GAREM1: variants seen among roughly 807,000 people sequenced by gnomAD.
GAREM1 encodes the protein GRB2-associated and regulator of MAPK protein 1.
GAREM1 carries 26 observed loss-of-function variants against 71.3 expected under a neutral mutation model. That is an observed-to-expected ratio of 0.36 (90% CI 0.27 to 0.51). GAREM1 has a LOEUF of 0.51. Among genes scored for constraint, GAREM1 ranks in the 20% least tolerant of loss-of-function variants. GAREM1 has a pLI of 0.95. For synonymous variants in GAREM1, 440 were observed against 433.2 expected, an observed-to-expected ratio of 1.02 and a Z score of -0.20; for missense variants, 1,026 against 1,103.1, an observed-to-expected ratio of 0.93 and a Z score of 0.99.
intron 1 of GAREM1, among the ~76,000 whole-genome samples, chr18:32,448,673 T>C: frequency 6.7e-6 from 1 of 150,206 alleles, no homozygotes; most frequent in South Asian, 2.1e-4. Context: ...AAATATCATA[T>C]GTATGTATTT....
chr18:32,436,954 C>A (rs17744022), intron 1 of GAREM1, among the ~76,000 whole-genome samples: 18,435 of 152,076 alleles, frequency 0.12, 1,442 homozygotes, highest in East Asian at 0.33. Context: ...CTTTAAAGGT[C>A]ATCATGGAAT....
chr18:32,268,070 A>G lies in GAREM1; in HGVS notation c.2432T>C (p.Leu811Pro). Residue 811 changes from leucine (L) to proline (P), a missense_variant, in exon 6 of 6, where the codon CTC becomes CCC. By Grantham distance (98) the Leu-to-Pro change is moderately conservative. Transcript: ENST00000269209. ...TGACTTGGACACTTCCTCTATAGAG[A>G]GTCCTGATAGGTCAGCAGGTGGCTG... ...PWQPPADLSGLSIEEVSKSLR... is the reference protein window; with the variant it reads ...PWQPPADLSGPSIEEVSKSLR... 1 of 1,614,088 alleles carries G rather than the reference A, an allele frequency of 6.2e-7. No homozygotes were observed. Among genetic ancestry groups the G allele is most frequent in the Non-Finnish European group, 8.5e-7 (1 of 1,179,956 alleles).
intron 2 of GAREM1, among the ~76,000 whole-genome samples, chr18:32,380,049 T>C (rs1269800845): frequency 6.6e-6 from 1 of 152,064 alleles, no homozygotes; most frequent in Non-Finnish European, 1.5e-5. Flanking sequence ...GCTCCATTGC[T>C]CCCCCCTGAA....
chr18:32,369,510 T>G (rs1031172594), intron 2 of GAREM1, among the ~76,000 whole-genome samples: 1 of 152,078 alleles, frequency 6.6e-6, no homozygotes, highest in Non-Finnish European at 1.5e-5. Context: ...TATAAACAGA[T>G]AGAATATATG....
chr18:32,435,206 G>A (rs1183101166), intron 1 of GAREM1, among the ~76,000 whole-genome samples: 1 of 152,006 alleles, frequency 6.6e-6, no homozygotes, highest in Non-Finnish European at 1.5e-5. Flanking sequence ...AGCCAAAGGA[G>A]GCAGGAGAGC....
chr18:32,308,512 A>G (rs1213538783), intron 3 of GAREM1, among the ~76,000 whole-genome samples: 6 of 149,864 alleles, frequency 4.0e-5, no homozygotes, highest in Non-Finnish European at 4.4e-5. Flanking sequence ...AAAACTACTA[A>G]CTTTCTAAAA....
chr18:32,348,456 G>A (rs2047716732), intron 2 of GAREM1, among the ~76,000 whole-genome samples: 1 of 152,162 alleles, frequency 6.6e-6, no homozygotes, highest in African/African-American at 2.4e-5. Flanking sequence ...GGGCGTGGTG[G>A]CTCACACCTG....
intron 1 of GAREM1, among the ~76,000 whole-genome samples, chr18:32,462,483 G>T (rs1315001704): frequency 6.6e-6 from 1 of 152,124 alleles, no homozygotes; most frequent in East Asian, 1.9e-4. Context: ...TTGCTATGGA[G>T]TTGAGTTCCC....
At chr18:32,316,298 T>C (rs1275585003) in intron 2 of GAREM1, among the ~76,000 whole-genome samples, 2 of 152,228 alleles carry the variant, frequency 1.3e-5, no homozygotes, top group African/African-American at 4.8e-5. Flanking sequence ...CTTTCAATTG[T>C]TTAGTGAATA....
At chr18:32,415,296 T>C (rs907552495) in intron 1 of GAREM1, among the ~76,000 whole-genome samples, 14 of 151,788 alleles carry the variant, frequency 9.2e-5, no homozygotes, top group African/African-American at 3.4e-4. Context: ...CTAATACCAA[T>C]CATACTCAAA....
chr18:32,362,249 G>A (rs888512020), intron 2 of GAREM1, among the ~76,000 whole-genome samples: 2 of 152,060 alleles, frequency 1.3e-5, no homozygotes, highest in Admixed American at 6.5e-5. Flanking sequence ...TTCCATTCAT[G>A]TACATTTATC....
chr18:32,339,099 A>G (rs1158011465), intron 2 of GAREM1, among the ~76,000 whole-genome samples: 1 of 151,926 alleles, frequency 6.6e-6, no homozygotes, highest in Non-Finnish European at 1.5e-5. Context: ...CTTAAAGTAA[A>G]TCTCCCTCCC....
At chr18:32,451,270 C>T (rs928188507) in intron 1 of GAREM1, among the ~76,000 whole-genome samples, 11 of 147,452 alleles carry the variant, frequency 7.5e-5, no homozygotes, top group African/African-American at 2.5e-4. Context: ...CAAGCTAGCT[C>T]ATTTCATCTC....
At chr18:32,375,581 T>C (rs2048023690) in intron 2 of GAREM1, among the ~76,000 whole-genome samples, 1 of 152,192 alleles carries the variant, frequency 6.6e-6, no homozygotes, top group South Asian at 2.1e-4. Flanking sequence ...TTTCCTTGAC[T>C]TAGGTCTCAC....
At chr18:32,401,365 GAAAT>G (rs144304599) in intron 1 of GAREM1, among the ~76,000 whole-genome samples, 5,645 of 151,440 alleles carry the variant, frequency 0.037, 342 homozygotes, top group African/African-American at 0.13. Context: ...ATATAAAAAA[GAAAT>G]AAAAAGAAGA....
intron 5 of GAREM1, among the ~76,000 whole-genome samples, chr18:32,269,175 T>A (rs1349836573): frequency 6.6e-6 from 1 of 152,214 alleles, no homozygotes; most frequent in Non-Finnish European, 1.5e-5. Context: ...CTTGCCATGC[T>A]TGTGCTACAG....
intron 1 of GAREM1, among the ~76,000 whole-genome samples, chr18:32,434,641 T>A (rs535433782): frequency 6.6e-6 from 1 of 151,774 alleles, no homozygotes; most frequent in African/African-American, 2.4e-5. Context: ...CTGATATAAA[T>A]TAATAATACA....
chr18:32,349,192 A>T (rs1037136482), intron 2 of GAREM1, among the ~76,000 whole-genome samples: 1 of 152,184 alleles, frequency 6.6e-6, no homozygotes, highest in African/African-American at 2.4e-5. Flanking sequence ...GTTCTACAAA[A>T]ATCCATAAAA....
rs1452255898 is a variant in GAREM1, at chr18:32,263,592, C to T, written c.*4279G>A. 1.3e-5 allele frequency: 2 copies of T among 152,242 alleles called. No individual in the cohort carries two copies. The highest frequency in any genetic ancestry group is 1.3e-4 in the Admixed American group (2 of 15,288). The allele number at this position is 152,242 out of a possible 1,614,324, so 9.4% of individuals were successfully genotyped here. On this transcript the variant is annotated 3_prime_UTR_variant, in exon 6 of 6. Transcript: ENST00000269209. ...ATCAACAGACAAGGAAATTTTTAGA[C>T]ATAACATACTGTGTTTATCTTGAGG...
Sources: allele counts gnomAD v4.1 joint callset (sites outside exome capture counted in the v4.1 genomes callset), GRCh38; gene constraint gnomAD v4.1.1; transcripts MANE v1.5; gene names NCBI Gene and HGNC (gene_info 2026-07-23, HGNC 2026-07-21).